DDX3X: variants seen among roughly 807,000 people sequenced by gnomAD.
DDX3X encodes ATP-dependent RNA helicase DDX3X.
In DDX3X, 4 loss-of-function variants were observed where a neutral mutation model predicts 52.7. The ratio of observed to expected loss-of-function variants is 0.08; its 90% CI spans 0.04 to 0.17. The LOEUF (loss-of-function observed/expected upper bound fraction) is 0.17, where lower values mean the gene tolerates loss of function less well. Ranked by LOEUF, DDX3X falls within the 10% of genes least tolerant of loss-of-function variation. The pLI is 1.00. For missense variants in DDX3X, 222 were observed against 548.6 expected (o/e 0.40, Z 5.95); for synonymous variants, 192 against 178.1 (o/e 1.08, Z -0.62).
chrX:41,363,417 T>C (rs1377281798), intron 5 of DDX3X, among the ~76,000 whole-genome samples: 1 of 109,169 alleles, frequency 9.2e-6, no homozygotes, highest in African/African-American at 3.3e-5. Flanking sequence ...AGAGTGAGAC[T>C]CTGTCTCACA....
downstream of DDX3X, among the ~76,000 whole-genome samples, chrX:41,353,884 G>A (rs770200719): frequency 3.6e-5 from 4 of 110,239 alleles, no homozygotes; most frequent in Admixed American, 9.8e-5. Flanking sequence ...TGTTCCAGTG[G>A]GTAGAGAAAA....
chrX:41,341,362 C>T, intron 3 of DDX3X, 122 bp from the exon 4 acceptor site: 2 of 541,144 alleles, frequency 3.7e-6, no homozygotes, highest in Non-Finnish European at 5.7e-6. Flanking sequence ...TCTTGGTTCT[C>T]TTACAGTGCC....
At chrX:41,343,985 A>G (rs749374119) in intron 8 of DDX3X, 45 bp from the exon 9 acceptor site, 1 of 1,094,726 alleles carries the variant, frequency 9.1e-7, no homozygotes, top group Non-Finnish European at 1.2e-6. Flanking sequence ...TGAACTTTTC[A>G]AACAGGGTAG....
chrX:41,351,626 T>C (rs1446417598), downstream of DDX3X: 1 of 111,737 alleles, frequency 8.9e-6, no homozygotes, highest in South Asian at 3.7e-4. Context: ...TTTGCTTTCT[T>C]GTGTTCCATT....
upstream of DDX3X, chrX:41,334,079 G>C (rs2063717527): frequency 4.3e-6 from 2 of 463,805 alleles, no homozygotes; most frequent in Non-Finnish European, 7.6e-6. Context: ...ATTGCGGTGT[G>C]AGAGGGAGGG....
At position 41,347,837 on chromosome X, in the gene DDX3X, T is replaced by A; in HGVS notation, c.*118T>A. Reference sequence around the variant, plus strand: ...CGCAGTACATTACCAGCTGTGATTCTCCACTGAAATTTTTTTTTTAAGGGA... The same window carrying A: ...CGCAGTACATTACCAGCTGTGATTCACCACTGAAATTTTTTTTTTAAGGGA... On this transcript the variant is annotated 3_prime_UTR_variant, in exon 17 of 17. Transcript: ENST00000644876. 2.0e-6 allele frequency: 1 copy of A among 489,346 alleles called. No individual in the cohort carries two copies. The highest frequency in any genetic ancestry group is 3.4e-6 in the Non-Finnish European group (1 of 296,557). The allele number at this position is 489,346 out of a possible 1,213,427, so 40.3% of individuals were successfully genotyped here. A position where few individuals can be genotyped will look rare whatever the true frequency, so the allele number is the denominator to read the frequency against.
In DDX3X at chrX:41,346,855, T is replaced by A; in HGVS notation, c.1616-4T>A. The A allele has an allele frequency of 3.3e-6, 4 of 1,205,059 alleles. No homozygotes were observed. The highest frequency in any genetic ancestry group is 4.5e-6 in the Non-Finnish European group (4 of 891,437). ...TTTATATACTTTTTTGGGAACTCTT[T>A]TAGGCCTGGCAACCTCATTCTTTAA... On this transcript the variant is annotated splice_region_variant and splice_polypyrimidine_tract_variant and intron_variant, in intron 14 of 16. Transcript: ENST00000644876.
At position 41,334,720 on chromosome X, in the gene DDX3X, C is replaced by G. The variant is rs757599611; in HGVS notation, c.45+423C>G. 40 of 990,559 alleles carry G rather than the reference C, an allele frequency of 4.0e-5. No homozygotes were observed. In the South Asian group the frequency reaches 7.4e-4, roughly 18 times the overall value. 81.6% of individuals were successfully genotyped at this position (990,559 alleles called of 1,213,427 possible). On this transcript the variant is annotated intron_variant, in intron 1 of 16. Transcript: ENST00000644876. ...TCACGGCTGGCGCAGCCTGGATTCC[C>G]GTCCGGAGGACCTGGCGGCACCCGG...
chrX:41,344,421 T>G (rs1176853339), intron 10 of DDX3X, 22 bp downstream of exon 10: 1 of 1,200,677 alleles, frequency 8.3e-7, no homozygotes, highest in African/African-American at 1.7e-5. Flanking sequence ...TTTGTTTTTG[T>G]TTTTTTGTTT....
In DDX3X at chrX:41,349,697, C is replaced by CTT. The variant is rs1373154570; in HGVS notation, c.*1979_*1980dup. 9.0e-6 allele frequency: 1 copy of CTT among 111,597 alleles called. No homozygotes were observed. Among genetic ancestry groups the CTT allele is most frequent in the African/African-American group, 3.3e-5 (1 of 30,632 alleles). 9.2% of individuals were successfully genotyped at this position (111,597 alleles called of 1,213,427 possible). On this transcript the variant is annotated 3_prime_UTR_variant, in exon 17 of 17. Coordinates refer to ENST00000644876, the MANE Select transcript of DDX3X (RefSeq NM_001356.5). ...TTTAATGTTTAAGTCATATTAAACT[C>CTT]TTAAGTCAAATTAAGCAGACCCGGC... is the stretch of plus-strand genomic sequence containing the variant.
In DDX3X at chrX:41,349,025, A is replaced by G. The variant is rs1569242066; in HGVS notation, c.*1306A>G. ...CCAAAGATGAGCATTGTCCACCACT[A>G]AAATGCCTCTGCCACTTTGAATTCT... is the stretch of plus-strand genomic sequence containing the variant. On this transcript the variant is annotated 3_prime_UTR_variant, in exon 17 of 17. Transcript: ENST00000644876. The G allele has an allele frequency of 8.9e-6, 1 of 112,344 alleles. No individual in the cohort carries two copies. The highest frequency in any genetic ancestry group is 1.9e-5 in the Non-Finnish European group (1 of 53,261). 9.3% of individuals were successfully genotyped at this position (112,344 alleles called of 1,213,427 possible). A position where few individuals can be genotyped will look rare whatever the true frequency, so the allele number is the denominator to read the frequency against.
At chrX:41,346,012 ACT>A (rs912889737) in intron 12 of DDX3X, 13 of 399,680 alleles carry the variant, frequency 3.3e-5, no homozygotes, top group Non-Finnish European at 5.5e-5. Flanking sequence ...TGGCCAGTGC[ACT>A]CTCAGCCTGG....
chrX:41,341,417 A>G (rs909994683), intron 3 of DDX3X, 67 bp from the exon 4 acceptor site: 4 of 954,565 alleles, frequency 4.2e-6, no homozygotes, highest in Non-Finnish European at 5.8e-6. Flanking sequence ...AGAAAGATTG[A>G]TAATACCTTA....
chrX:41,347,426 C>T lies in DDX3X; in HGVS notation c.1884C>T (p.His628=), dbSNP rs779341057. 1.3e-5 allele frequency: 16 copies of T among 1,210,822 alleles called. No homozygotes were observed. Among genetic ancestry groups the T allele is most frequent in the South Asian group, 1.8e-5 (1 of 56,925 alleles). ...ASSSRSGGGG[H]GSSRGFGGGG... ...GCAGCCGCAGTGGCGGAGGTGGCCA[C>T]GGTAGCAGCAGAGGATTTGGTGGAG... Residue 628 remains histidine, a synonymous_variant, in exon 16 of 17, where the codon CAC becomes CAT. Transcript: ENST00000644876.
chrX:41,341,751 T>C, intron 4 of DDX3X, 135 bp downstream of exon 4: 1 of 542,534 alleles, frequency 1.8e-6, no homozygotes, highest in Non-Finnish European at 2.9e-6. Context: ...AGGCTTTTAC[T>C]AAATTGAACC....
chrX:41,359,949 T>TCCA (rs765065711), intron 5 of DDX3X, among the ~76,000 whole-genome samples: 224 of 109,042 alleles, frequency 2.1e-3, no homozygotes, highest in African/African-American at 7.2e-3. Flanking sequence ...GCCACTGCAC[T>TCCA]CCAGCCTGGG....
At chrX:41,354,600 A>G (rs772387344), downstream of DDX3X, among the ~76,000 whole-genome samples, 5 of 109,596 alleles carry the variant, frequency 4.6e-5, no homozygotes, top group Non-Finnish European at 9.5e-5. Flanking sequence ...CTGGGATTAC[A>G]TGCATGAGCC....
chrX:41,355,041 G>A (rs1214170632), downstream of DDX3X, among the ~76,000 whole-genome samples: 9 of 111,030 alleles, frequency 8.1e-5, no homozygotes, highest in Admixed American at 5.8e-4. Flanking sequence ...GGCTGGTCTC[G>A]AAGTCCTGAC....
intron 6 of DDX3X, 157 bp from the exon 7 acceptor site, chrX:41,343,059 A>G: frequency 1.5e-6 from 1 of 664,688 alleles, no homozygotes. Flanking sequence ...AATGTGCAGT[A>G]AGCCTGGGGG....
Sources: allele counts gnomAD v4.1 joint callset (sites outside exome capture counted in the v4.1 genomes callset), GRCh38; gene constraint gnomAD v4.1.1; transcripts MANE v1.5; gene names NCBI Gene and HGNC (gene_info 2026-07-23, HGNC 2026-07-21).